PLXNC1: variants seen among roughly 807,000 people sequenced by gnomAD.
The protein encoded by PLXNC1 is plexin-C1.
A neutral mutation model predicts 178.2 loss-of-function variants in PLXNC1; 75 were observed. The observed-to-expected ratio is 0.42, with a 90% CI of 0.35 to 0.51. The LOEUF (loss-of-function observed/expected upper bound fraction) is 0.51. Among genes scored for constraint, PLXNC1 ranks in the 20% least tolerant of loss-of-function variants. The probability of loss-of-function intolerance (pLI) is 0.02; values close to 1 mark genes in which losing one functional copy is unlikely to be tolerated. For synonymous variants in PLXNC1, 790 were observed against 779.9 expected, an observed-to-expected ratio of 1.01 and a Z score of -0.22; for missense variants, 1,503 against 1,984.4, an observed-to-expected ratio of 0.76 and a Z score of 4.61.
At chr12:94,214,845 C>T (rs11107453) in intron 5 of PLXNC1, among the ~76,000 whole-genome samples, 31,094 of 151,912 alleles carry the variant, frequency 0.2, 3,329 homozygotes, top group Middle Eastern at 0.26. Context: ...AACAACTTAG[C>T]TTAAGCCGTT....
At chr12:94,176,972 C>G (rs1962071492) in intron 2 of PLXNC1, among the ~76,000 whole-genome samples, 1 of 150,304 alleles carries the variant, frequency 6.7e-6, no homozygotes, top group Admixed American at 6.6e-5. Context: ...TAACCAGTTC[C>G]CTATTGCTGG....
chr12:94,149,021 C>G lies in PLXNC1; in HGVS notation c.50C>G (p.Ala17Gly), dbSNP rs768893484. The part of the protein sequence containing the change: ...KAPPRPPRPA[A>G]PLPLLAYLLA... ...CCGCCGCGCCCCCCGCGCCCCGCAG[C>G]GCCACTGCCCCTGCTCGCCTATCTG... is the stretch of plus-strand genomic sequence containing the variant. Residue 17 changes from alanine to glycine, a missense_variant, in exon 1 of 31, where the codon GCG becomes GGG. By Grantham distance (60) the Ala-to-Gly change is moderately conservative. Around this residue, in one of 4 missense-constraint regions of PLXNC1, gnomAD observed 176 missense variants for 180.7 expected, o/e 0.97. Coordinates refer to ENST00000258526, the MANE Select transcript of PLXNC1 (RefSeq NM_005761.3). 1.1e-5 allele frequency: 16 copies of G among 1,483,150 alleles called. No homozygotes were observed. In the East Asian group the frequency reaches 3.4e-4, roughly 32 times the overall value. The allele number at this position is 1,483,150 out of a possible 1,614,324, so 91.9% of individuals were successfully genotyped here. A position where few individuals can be genotyped will look rare whatever the true frequency, so the allele number is the denominator to read the frequency against.
At position 94,226,664 on chromosome 12, in the gene PLXNC1, AC is replaced by A; in HGVS notation, c.1854del (p.Phe619SerfsTer57). ...AWCKSARRCI[H>X]PFTACDPSDY... Reference sequence around the variant, plus strand: ...TGTAAAAGTGCAAGAAGGTGTATCCACCCCTTCACAGCTTGCGACCCTTCTG... The same window carrying A: ...TGTAAAAGTGCAAGAAGGTGTATCCACCCTTCACAGCTTGCGACCCTTCTG... On this transcript the variant is annotated frameshift_variant, in exon 8 of 31. Coordinates refer to ENST00000258526, the MANE Select transcript of PLXNC1 (RefSeq NM_005761.3). LOFTEE classifies it high-confidence loss of function. 6.2e-7 allele frequency: 1 copy of A among 1,613,676 alleles called. No homozygotes were observed. Among genetic ancestry groups the A allele is most frequent in the Non-Finnish European group, 8.5e-7 (1 of 1,179,692 alleles).
intron 6 of PLXNC1, among the ~76,000 whole-genome samples, chr12:94,223,364 G>A (rs1705779589): frequency 6.6e-6 from 1 of 152,350 alleles, no homozygotes; most frequent in Non-Finnish European, 1.5e-5. Context: ...GGACAGAAGG[G>A]GATTTGAAAG....
chr12:94,149,703 C>T lies in PLXNC1; in HGVS notation c.732C>T (p.Ile244=). 2 of 1,612,060 alleles carry T rather than the reference C, an allele frequency of 1.2e-6. No individual in the cohort carries two copies. The highest frequency in any genetic ancestry group is 8.5e-7 in the Non-Finnish European group (1 of 1,179,336). ...FVDAFLWNGS[I]YFPYYPYNYT... ...ACGCCTTTCTCTGGAACGGCAGCAT[C>T]TACTTCCCCTACTACCCCTACAACT... Residue 244 remains isoleucine (I), a synonymous_variant, in exon 1 of 31, where the codon ATC becomes ATT. Transcript: ENST00000258526.
At chr12:94,212,046 G>A (rs766373832) in intron 5 of PLXNC1, among the ~76,000 whole-genome samples, 1 of 151,810 alleles carries the variant, frequency 6.6e-6, no homozygotes, top group Admixed American at 6.6e-5. Context: ...AGGCCGAGGC[G>A]GGCGGATCAC....
At chr12:94,198,823 C>G (rs1319191388) in intron 4 of PLXNC1, among the ~76,000 whole-genome samples, 2 of 152,158 alleles carry the variant, frequency 1.3e-5, no homozygotes, top group Non-Finnish European at 2.9e-5. Flanking sequence ...AGAAAATTCC[C>G]ATTCACTGGG....
At chr12:94,248,969 A>G (rs531549489) in intron 14 of PLXNC1, among the ~76,000 whole-genome samples, 3 of 152,316 alleles carry the variant, frequency 2.0e-5, no homozygotes, top group African/African-American at 7.2e-5. Flanking sequence ...ATGTGAGACC[A>G]CTGAGAAGGG....
intron 23 of PLXNC1, among the ~76,000 whole-genome samples, chr12:94,294,272 C>T (rs548387301): frequency 1.3e-5 from 2 of 152,292 alleles, no homozygotes; most frequent in African/African-American, 4.8e-5. Flanking sequence ...CAGCCTCCTC[C>T]ACAGGACCAT....
At position 94,237,644 on chromosome 12, in the gene PLXNC1, T is replaced by C. The variant is rs755253917; in HGVS notation, c.1981-20T>C. 6.2e-7 allele frequency: 1 copy of C among 1,607,530 alleles called. No individual in the cohort carries two copies. The highest frequency in any genetic ancestry group is 8.5e-7 in the Non-Finnish European group (1 of 1,175,662). The stretch of plus-strand genomic sequence containing the variant: ...ATTTCTTAGCTTTGATCTCCTGTTT[T>C]AATCTTTTCTTTCCAATAGGTCTTC... On this transcript the variant is annotated intron_variant, in intron 9 of 30. Transcript: ENST00000258526.
intron 4 of PLXNC1, among the ~76,000 whole-genome samples, chr12:94,194,545 G>A (rs534233256): frequency 4.6e-5 from 7 of 152,314 alleles, no homozygotes; most frequent in Non-Finnish European, 8.8e-5. Flanking sequence ...CTTGAGCCCA[G>A]GAGTTCAAGA....
intron 20 of PLXNC1, among the ~76,000 whole-genome samples, chr12:94,261,871 T>A (rs539802857): frequency 4.0e-5 from 6 of 148,886 alleles, no homozygotes; most frequent in African/African-American, 1.3e-4. Context: ...TGCACAACAA[T>A]TTTTTTTTTA....
At position 94,247,886 on chromosome 12, in the gene PLXNC1, C is replaced by A. The variant is rs760641231; in HGVS notation, c.2389-17C>A. ...TCGTTAACAAAGTTACTAAAACATTCTTTTCTTTTTGTCCAGGTCTCTGAA... is the reference window on the plus strand; with the variant it reads ...TCGTTAACAAAGTTACTAAAACATTATTTTCTTTTTGTCCAGGTCTCTGAA... On this transcript the variant is annotated splice_polypyrimidine_tract_variant and intron_variant, in intron 12 of 30. Coordinates refer to ENST00000258526, the MANE Select transcript of PLXNC1 (RefSeq NM_005761.3). The A allele has an allele frequency of 5.0e-6, 8 of 1,610,650 alleles. No homozygotes were observed. The highest frequency in any genetic ancestry group is 1.8e-4 in the Middle Eastern group (1 of 5,648).
intron 2 of PLXNC1, among the ~76,000 whole-genome samples, chr12:94,172,445 A>G (rs1961881546): frequency 6.6e-6 from 1 of 152,150 alleles, no homozygotes; most frequent in Non-Finnish European, 1.5e-5. Flanking sequence ...ATTTGGTGCA[A>G]TTTTAAGCCT....
intron 2 of PLXNC1, among the ~76,000 whole-genome samples, chr12:94,173,557 T>C (rs1961928890): frequency 6.6e-6 from 1 of 152,112 alleles, no homozygotes; most frequent in African/African-American, 2.4e-5. Context: ...CAGTCAATAC[T>C]CTCACCATCC....
intron 12 of PLXNC1, among the ~76,000 whole-genome samples, chr12:94,246,430 T>G (rs1964531750): frequency 6.6e-6 from 1 of 151,530 alleles, no homozygotes; most frequent in Non-Finnish European, 1.5e-5. Context: ...AGAGTGGGGG[T>G]GACATCATGG....
intron 28 of PLXNC1, 100 bp from the exon 29 acceptor site, chr12:94,303,656 G>T: frequency 9.5e-7 from 1 of 1,051,068 alleles, no homozygotes; most frequent in Non-Finnish European, 1.3e-6. Flanking sequence ...TTGGTGGTGG[G>T]GGTTCAGCTA....
chr12:94,233,975 T>A (rs927404290), intron 9 of PLXNC1, among the ~76,000 whole-genome samples: 1 of 152,196 alleles, frequency 6.6e-6, no homozygotes, highest in Non-Finnish European at 1.5e-5. Context: ...TTGTGCTACC[T>A]TTCATCTATC....
chr12:94,303,637 T>A, intron 28 of PLXNC1, 119 bp from the exon 29 acceptor site: 1 of 822,122 alleles, frequency 1.2e-6, no homozygotes. Context: ...TAGCAAGAGG[T>A]AAAACTGGTT....
Sources: allele counts gnomAD v4.1 joint callset (sites outside exome capture counted in the v4.1 genomes callset), GRCh38; gene constraint gnomAD v4.1.1; regional missense constraint gnomAD v4.1.1; transcripts MANE v1.5; gene names NCBI Gene and HGNC (gene_info 2026-07-23, HGNC 2026-07-21).